LRP5: variants seen among roughly 807,000 people sequenced by gnomAD.
The protein encoded by LRP5 is low-density lipoprotein receptor-related protein 5.
Under a neutral mutation model 154.1 loss-of-function variants are expected in LRP5, and 62 were observed. The observed-to-expected ratio is 0.40, with a 90% CI of 0.33 to 0.50. LRP5 has a LOEUF of 0.50. Ranked by LOEUF, LRP5 falls within the 20% of genes least tolerant of loss-of-function variation. LRP5 has a pLI of 0.55. For missense variants in LRP5, 1,915 were observed against 2,336.7 expected (o/e 0.82, Z 3.72); for synonymous variants, 966 against 1,011.5 (o/e 0.96, Z 0.85).
chr11:68,406,474 C>T (rs771798838), intron 8 of LRP5, 50 bp from the exon 9 acceptor site: 5 of 1,597,658 alleles, frequency 3.1e-6, no homozygotes, highest in African/African-American at 1.3e-5. Flanking sequence ...GCACCCCTTT[C>T]CCTGCTGGGC....
Position 68,449,052 on chromosome 11 carries a change from C to T in LRP5, c.4830C>T (p.Pro1610=), listed in dbSNP as rs1591342334. 6.4e-7 allele frequency: 1 copy of T among 1,569,098 alleles called. No homozygotes were observed. Among genetic ancestry groups the T allele is most frequent in the Admixed American group, 1.7e-5 (1 of 57,984 alleles). Residue 1610 remains proline (P), a synonymous_variant, in exon 23 of 23, where the codon CCC becomes CCT. Coordinates refer to ENST00000294304, the MANE Select transcript of LRP5 (RefSeq NM_002335.4). ...ATCTCTTCCCGCCCCCTCCGTCCCC[C>T]TGCACGGACTCATCCTGACCTCGGC... ...YFHLFPPPPS[P]CTDSS
At chr11:68,360,504 G>A (rs2153137497) in intron 3 of LRP5, among the ~76,000 whole-genome samples, 1 of 152,354 alleles carries the variant, frequency 6.6e-6, no homozygotes, top group South Asian at 2.1e-4. Context: ...TCTTCATGAT[G>A]CACCTGGGGC....
At chr11:68,383,728 A>G (rs2098641472) in intron 5 of LRP5, among the ~76,000 whole-genome samples, 1 of 152,186 alleles carries the variant, frequency 6.6e-6, no homozygotes. Flanking sequence ...CGCCCTCGCC[A>G]TGAGGCCGAC....
rs58477287 is a variant in LRP5, at chr11:68,344,849, C to CTTTTTTT, written c.92-2974_92-2968dup. Among the ~76,000 whole-genome samples the CTTTTTTT allele has an allele frequency of 1.7e-3, 109 of 65,580 alleles. 32 individuals carry two copies. Among genetic ancestry groups the CTTTTTTT allele is most frequent in the Non-Finnish European group, 2.2e-3 (75 of 34,240 alleles). The allele number at this position is 65,580 out of a possible 152,430, so 43.0% of individuals were successfully genotyped here. On this transcript the variant is annotated intron_variant, in intron 1 of 22. Transcript: ENST00000294304. ...TTGTAGCATGTGTCAGAATCTCTCT[C>CTTTTTTT]TTTTTTTTTTTTTTTTTTTTTTTTT...
rs1157048489 is a variant in LRP5, at chr11:68,443,544, CATATATATATATAT to C, written c.4489-2863_4489-2850del. 4.3e-3 allele frequency among the ~76,000 whole-genome samples: 97 copies of C among 22,318 alleles called. 2 individuals carry two copies. Among genetic ancestry groups the C allele is most frequent in the Non-Finnish European group, 6.4e-3 (82 of 12,760 alleles). The allele number at this position is 22,318 out of a possible 152,430, so 14.6% of individuals were successfully genotyped here. A position where few individuals can be genotyped will look rare whatever the true frequency, so the allele number is the denominator to read the frequency against. On this transcript the variant is annotated intron_variant, in intron 21 of 22. Transcript: ENST00000294304. ...AAATTATCAATCTCCTCTTTTATGG[CATATATATATATAT>C]ATATATATATATATATATATATATA... is the stretch of plus-strand genomic sequence containing the variant.
chr11:68,384,179 C>G (rs897369776), intron 5 of LRP5, among the ~76,000 whole-genome samples: 5 of 152,166 alleles, frequency 3.3e-5, no homozygotes, highest in Non-Finnish European at 5.9e-5. Context: ...AGGAGGGGCT[C>G]CTGTCTTTCC....
chr11:68,321,009 C>G (rs1490083746), intron 1 of LRP5, among the ~76,000 whole-genome samples: 1 of 151,192 alleles, frequency 6.6e-6, no homozygotes, highest in African/African-American at 2.4e-5. Context: ...TATTTTCTTC[C>G]AGGACTGTTA....
intron 1 of LRP5, among the ~76,000 whole-genome samples, chr11:68,326,849 T>A (rs111910674): frequency 6.6e-6 from 1 of 152,196 alleles, no homozygotes; most frequent in African/African-American, 2.4e-5. Context: ...ATGGTCCTCA[T>A]GGTGGGGAGG....
At chr11:68,446,014 G>T (rs558707336) in intron 21 of LRP5, among the ~76,000 whole-genome samples, 7 of 152,326 alleles carry the variant, frequency 4.6e-5, no homozygotes, top group African/African-American at 1.7e-4. Flanking sequence ...GGAAAGGTCA[G>T]AAGGAGAGTT....
At chr11:68,337,468 A>G (rs1294089335) in intron 1 of LRP5, among the ~76,000 whole-genome samples, 2 of 152,152 alleles carry the variant, frequency 1.3e-5, no homozygotes, top group Non-Finnish European at 2.9e-5. Context: ...GCCTCTGGGG[A>G]TCAGGCCTGG....
chr11:68,353,481 C>A lies in LRP5; in HGVS notation c.489-4169C>A, dbSNP rs549479090. 6.6e-6 allele frequency among the ~76,000 whole-genome samples: 1 copy of A among 152,180 alleles called. No homozygotes were observed. Among genetic ancestry groups the A allele is most frequent in the South Asian group, 2.1e-4 (1 of 4,836 alleles). ...GAGGATTCCAGCCTGTCACAGCGCC[C>A]GCGGCAGCAACCCCTGCTCGCCAAA... On this transcript the variant is annotated intron_variant, in intron 2 of 22. Transcript: ENST00000294304. The surrounding 1 kb of genome is among the most constrained non-coding windows in gnomAD (Gnocchi z 4.5).
At position 68,433,815 on chromosome 11, in the gene LRP5, G is replaced by T. The variant is rs368985815; in HGVS notation, c.3977G>T (p.Arg1326Leu). The change falls in exon 18 of 23, where the codon CGC becomes CTC. Residue 1326 changes from arginine to leucine, a missense_variant. Arg to Leu is a moderately radical substitution (Grantham distance 102, BLOSUM62 -2). Coordinates refer to ENST00000294304, the MANE Select transcript of LRP5 (RefSeq NM_002335.4). Reference protein sequence around the residue: ...RCDGEADCQDRSDEADCDAIC... With the variant: ...RCDGEADCQDLSDEADCDAIC... ...GACGGCGAGGCAGACTGTCAGGACC[G>T]CTCAGACGAGGCGGACTGTGACGGT... 41 of 1,612,492 alleles carry T rather than the reference G, an allele frequency of 2.5e-5. No homozygotes were observed. Among genetic ancestry groups the T allele is most frequent in the Non-Finnish European group, 3.3e-5 (39 of 1,179,716 alleles).
In LRP5 at chr11:68,386,296, C is replaced by T; in HGVS notation, c.1016-20C>T. 1 of 1,609,632 alleles carries T rather than the reference C, an allele frequency of 6.2e-7. No homozygotes were observed. Among genetic ancestry groups the T allele is most frequent in the Non-Finnish European group, 8.5e-7 (1 of 1,179,984 alleles). The stretch of plus-strand genomic sequence containing the variant: ...GCTGCAGGCCCTTGACCCCTGACCC[C>T]ATTGCACCTGTCTCCACAGGAGCCG... On this transcript the variant is annotated intron_variant, in intron 5 of 22. Coordinates refer to ENST00000294304, the MANE Select transcript of LRP5 (RefSeq NM_002335.4). This position sits in a 1 kb window ranked among gnomAD's most constrained non-coding sequence, Gnocchi z 7.9.
chr11:68,446,274 C>G (rs140072262), intron 21 of LRP5, among the ~76,000 whole-genome samples, 162 bp from the exon 22 acceptor site: 2 of 152,212 alleles, frequency 1.3e-5, no homozygotes. Context: ...GCTGCTGCCT[C>G]CCCTCCTGTC....
intron 17 of LRP5, among the ~76,000 whole-genome samples, chr11:68,430,357 A>G (rs962354399): frequency 2.6e-5 from 4 of 152,154 alleles, no homozygotes; most frequent in African/African-American, 7.2e-5. Context: ...TATTTTTAGT[A>G]GAGACGGGGT....
intron 1 of LRP5, among the ~76,000 whole-genome samples, chr11:68,317,798 G>T (rs1181710711): frequency 6.6e-6 from 1 of 152,094 alleles, no homozygotes; most frequent in Admixed American, 6.5e-5. Flanking sequence ...GCTGCTGGGC[G>T]ACTGTGCCTC....
intron 5 of LRP5, among the ~76,000 whole-genome samples, chr11:68,375,136 G>C (rs993527208): frequency 6.6e-6 from 1 of 152,220 alleles, no homozygotes; most frequent in Non-Finnish European, 1.5e-5. Flanking sequence ...GAACCCTTGT[G>C]CGGCTGCGGG....
intron 5 of LRP5, among the ~76,000 whole-genome samples, chr11:68,383,195 A>C (rs758335445): frequency 5.9e-5 from 9 of 152,082 alleles, no homozygotes; most frequent in African/African-American, 9.7e-5. Context: ...GTGATTTCTT[A>C]GGAGGACAGA....
intron 5 of LRP5, among the ~76,000 whole-genome samples, chr11:68,373,479 T>A (rs2098635549): frequency 6.6e-6 from 1 of 152,154 alleles, no homozygotes; most frequent in African/African-American, 2.4e-5. Flanking sequence ...CTGGGCTGTG[T>A]CCTGGCTCCC....
Sources: gnomAD v4.1 joint callset for allele counts (sites outside exome capture counted in the v4.1 genomes callset) on GRCh38, gnomAD v4.1.1 for gene constraint, Gnocchi (gnomAD v3.1) non-coding constraint, MANE v1.5 for transcripts, NCBI Gene and HGNC (gene_info 2026-07-23, HGNC 2026-07-21) for gene names.